The following F13A1 variants were observed in gnomAD, a reference collection of about 807,000 sequenced individuals.
F13A1 encodes the protein FSF, A subunit.
A neutral mutation model predicts 80.1 loss-of-function variants in F13A1; 47 were observed. The observed-to-expected ratio is 0.59, with a 90% CI of 0.46 to 0.75. The LOEUF (loss-of-function observed/expected upper bound fraction) is 0.75. Among genes scored for constraint, F13A1 ranks in the 30% least tolerant of loss-of-function variants. The pLI, the probability that F13A1 is intolerant of heterozygous loss-of-function variation, is 0.00. For synonymous variants in F13A1, 349 were observed against 344.9 expected (o/e 1.01, Z -0.13); for missense variants, 817 against 930.4 (o/e 0.88, Z 1.59).
chr6:6,151,433 G>T (rs536617075), intron 14 of F13A1, among the ~76,000 whole-genome samples: 1 of 152,276 alleles, frequency 6.6e-6, no homozygotes, highest in Non-Finnish European at 1.5e-5. Context: ...GACCATACGT[G>T]AGTAGGTAGT....
In F13A1 at chr6:6,318,573, T is replaced by C; in HGVS notation, c.92A>G (p.Glu31Gly). 1.9e-6 allele frequency: 3 copies of C among 1,613,498 alleles called. No homozygotes were observed. The highest frequency in any genetic ancestry group is 3.3e-4 in the Middle Eastern group (2 of 6,060). Residue 31 changes from glutamate (E) to glycine (G), a missense_variant, in exon 2 of 15, where the codon GAG (glutamate) becomes GGG (glycine). Transcript: ENST00000264870. ...NAAEDDLPTV[E>G]LQGVVPRGVN... ...GCCCCGGGGCACCACGCCCTGAAGC[T>C]CCACTGTGGGCAGGTCATCTTCCGC...
At chr6:6,245,799 C>T (rs1757547266) in intron 6 of F13A1, among the ~76,000 whole-genome samples, 1 of 152,214 alleles carries the variant, frequency 6.6e-6, no homozygotes, top group South Asian at 2.1e-4. Context: ...GTTCTGCCTT[C>T]CTTCACTCTC....
intron 3 of F13A1, among the ~76,000 whole-genome samples, chr6:6,304,107 T>C (rs1758475836): frequency 6.6e-6 from 1 of 152,222 alleles, no homozygotes; most frequent in African/African-American, 2.4e-5. Context: ...AAGGGAATGA[T>C]GATAGCAGGC....
intron 6 of F13A1, among the ~76,000 whole-genome samples, chr6:6,233,349 A>C (rs1757376415): frequency 6.6e-6 from 1 of 152,152 alleles, no homozygotes; most frequent in Non-Finnish European, 1.5e-5. Flanking sequence ...AAAATCTAGA[A>C]AAGACAGATA....
intron 4 of F13A1, among the ~76,000 whole-genome samples, chr6:6,259,157 G>A (rs1757744746): frequency 6.6e-6 from 1 of 152,180 alleles, no homozygotes. Context: ...GGCATGGGAT[G>A]CGACATACTA....
intron 8 of F13A1, among the ~76,000 whole-genome samples, chr6:6,199,504 AAAAG>A (rs1761354400): frequency 6.6e-6 from 1 of 151,696 alleles, no homozygotes; most frequent in Non-Finnish European, 1.5e-5. Context: ...GAAAAAAAAA[AAAAG>A]AACAGTACTA....
chr6:6,257,535 T>C (rs1467845099), intron 4 of F13A1, among the ~76,000 whole-genome samples: 2 of 152,118 alleles, frequency 1.3e-5, no homozygotes, highest in African/African-American at 4.8e-5. Flanking sequence ...CAGTATAAAG[T>C]AGAGTAGTTC....
Position 6,223,380 on chromosome 6 carries a change from C to T in F13A1, c.974-1209G>A, listed in dbSNP as rs149026521. ...AGTGAAATTGTAGGCATGGGGAGAA[C>T]TTGGGTCCTTTCTGTCTTCTAAAAT... On this transcript the variant is annotated intron_variant, in intron 7 of 14. Coordinates refer to ENST00000264870, the MANE Select transcript of F13A1 (RefSeq NM_000129.4). 3.3e-5 allele frequency among the ~76,000 whole-genome samples: 5 copies of T among 152,242 alleles called. No homozygotes were observed. In the East Asian group the frequency reaches 7.7e-4, roughly 24 times the overall value.
intron 8 of F13A1, among the ~76,000 whole-genome samples, chr6:6,220,061 C>A (rs959112492): frequency 1.3e-5 from 2 of 152,184 alleles, no homozygotes; most frequent in African/African-American, 2.4e-5. Context: ...AGTAGCAGAG[C>A]CAAGTCTTGG....
chr6:6,312,326 G>T (rs1758614214), intron 2 of F13A1, among the ~76,000 whole-genome samples: 1 of 151,772 alleles, frequency 6.6e-6, no homozygotes, highest in African/African-American at 2.4e-5. Context: ...ACTATAAGTG[G>T]GGAAAAACTA....
At chr6:6,235,458 C>A (rs956066430) in intron 6 of F13A1, among the ~76,000 whole-genome samples, 2 of 151,916 alleles carry the variant, frequency 1.3e-5, no homozygotes, top group African/African-American at 4.8e-5. Context: ...ACAAACACAA[C>A]CTTAAAACAA....
chr6:6,284,850 C>G (rs1203222565), intron 3 of F13A1, among the ~76,000 whole-genome samples: 2 of 152,188 alleles, frequency 1.3e-5, no homozygotes, highest in Non-Finnish European at 2.9e-5. Flanking sequence ...TGAGATTTTA[C>G]CCTTCAACTC....
chr6:6,315,174 G>C (rs890151256), intron 2 of F13A1, among the ~76,000 whole-genome samples: 5 of 152,190 alleles, frequency 3.3e-5, no homozygotes, highest in African/African-American at 4.8e-5. Flanking sequence ...GGTTTCTTCT[G>C]GAATATTACA....
At chr6:6,244,839 T>A (rs1757533304) in intron 6 of F13A1, among the ~76,000 whole-genome samples, 1 of 152,068 alleles carries the variant, frequency 6.6e-6, no homozygotes, top group Non-Finnish European at 1.5e-5. Context: ...ACGAGCTGAG[T>A]CGCTTCCCAT....
rs1303279013 is a variant in F13A1, at chr6:6,320,628, C to T, written c.-60G>A. The T allele has an allele frequency of 1.3e-5, 6 of 470,400 alleles. No individual in the cohort carries two copies. The highest frequency in any genetic ancestry group is 6.0e-5 in the African/African-American group (3 of 50,074). 29.1% of individuals were successfully genotyped at this position (470,400 alleles called of 1,614,324 possible). ...CCAGAGGTGCCCTCGCGTGGGCTTG[C>T]TCTGTGCGCCTCGGGGACTTCCTCA... On this transcript the variant is annotated 5_prime_UTR_variant, in exon 1 of 15. Coordinates refer to ENST00000264870, the MANE Select transcript of F13A1 (RefSeq NM_000129.4).
At chr6:6,225,042 C>T (rs1384572256) in intron 6 of F13A1, among the ~76,000 whole-genome samples, 182 bp from the exon 7 acceptor site, 4 of 152,242 alleles carry the variant, frequency 2.6e-5, no homozygotes, top group Admixed American at 1.3e-4. Context: ...AAACTAAATA[C>T]GCAAGAGGAG....
intron 3 of F13A1, among the ~76,000 whole-genome samples, chr6:6,273,351 G>C (rs1046176392): frequency 6.6e-6 from 1 of 152,206 alleles, no homozygotes; most frequent in Non-Finnish European, 1.5e-5. Flanking sequence ...GCCCCACTAA[G>C]ATCATCATAG....
intron 2 of F13A1, 65 bp from the exon 3 acceptor site, chr6:6,305,604 A>C: frequency 6.5e-7 from 1 of 1,549,812 alleles, no homozygotes; most frequent in Non-Finnish European, 8.9e-7. Flanking sequence ...ACATAAACTC[A>C]AAAACAAGAT....
chr6:6,156,133 T>C (rs1760474183), intron 13 of F13A1, among the ~76,000 whole-genome samples: 1 of 152,222 alleles, frequency 6.6e-6, no homozygotes, highest in South Asian at 2.1e-4. Context: ...CTTAAGTTTT[T>C]CTCAATATTC....
Sources: allele counts gnomAD v4.1 joint callset (sites outside exome capture counted in the v4.1 genomes callset), GRCh38; gene constraint gnomAD v4.1.1; transcripts MANE v1.5; gene names NCBI Gene and HGNC (gene_info 2026-07-23, HGNC 2026-07-21).